The following SLC39A10 variants were observed in gnomAD, a reference collection of about 807,000 sequenced individuals.
The protein encoded by SLC39A10 is zinc transporter ZIP10.
A neutral mutation model predicts 65.1 loss-of-function variants in SLC39A10; 13 were observed. The observed-to-expected ratio is 0.20, with a 90% CI of 0.13 to 0.32. The LOEUF (loss-of-function observed/expected upper bound fraction) is 0.32. Among genes scored for constraint, SLC39A10 ranks in the 10% least tolerant of loss-of-function variants. The pLI is 1.00. For synonymous variants in SLC39A10, 321 were observed against 342.2 expected (o/e 0.94, Z 0.68); for missense variants, 831 against 1,018.4 (o/e 0.82, Z 2.50).
intron 1 of SLC39A10, among the ~76,000 whole-genome samples, chr2:195,664,019 T>A (rs1002239019): frequency 6.6e-6 from 1 of 152,090 alleles, no homozygotes; most frequent in Non-Finnish European, 1.5e-5. Context: ...TGAAAGCACA[T>A]ACAGTGTACA....
chr2:195,651,093 T>TA (rs1350076383), intron 2 of SLC39A10, among the ~76,000 whole-genome samples: 9 of 151,778 alleles, frequency 5.9e-5, no homozygotes, highest in African/African-American at 2.2e-4. Flanking sequence ...TTTTTTTTTT[T>TA]ATTTAGAAAG....
At chr2:195,649,570 C>T (rs1688990605) in intron 2 of SLC39A10, among the ~76,000 whole-genome samples, 1 of 152,124 alleles carries the variant, frequency 6.6e-6, no homozygotes, top group South Asian at 2.1e-4. Context: ...TAATTTCAAC[C>T]AGTTTAACAA....
Position 195,728,925 on chromosome 2 carries a change from A to T in SLC39A10, c.2337+576A>T, listed in dbSNP as rs2105845964. Among the ~76,000 whole-genome samples the T allele has an allele frequency of 2.2e-4, 1 of 4,584 alleles. No homozygotes were observed. Among genetic ancestry groups the T allele is most frequent in the Admixed American group, 4.9e-3 (1 of 206 alleles). The allele number at this position is 4,584 out of a possible 152,430, so 3.0% of individuals were successfully genotyped here. ...GTTTGTTTGACTAGATAGGACATTT[A>T]CTTTTTTTTTTCTGGTAAGATCACA... On this transcript the variant is annotated intron_variant, in intron 9 of 9. Coordinates refer to ENST00000359634, the MANE Select transcript of SLC39A10 (RefSeq NM_020342.3). This position sits in a 1 kb window ranked among gnomAD's most constrained non-coding sequence, Gnocchi z 4.4.
chr2:195,614,620 A>G (rs1688167289), intron 2 of SLC39A10, among the ~76,000 whole-genome samples: 1 of 152,100 alleles, frequency 6.6e-6, no homozygotes, highest in Non-Finnish European at 1.5e-5. Context: ...CCCCCTTAAA[A>G]CACTTTCACT....
Position 195,680,564 on chromosome 2 carries a change from T to C in SLC39A10, c.522T>C (p.His174=). Residue 174 remains histidine, a synonymous_variant, in exon 2 of 10, where the codon CAT becomes CAC. Coordinates refer to ENST00000359634, the MANE Select transcript of SLC39A10 (RefSeq NM_020342.3). ...CTGATGATAAACATATGCATGACCA[T>C]AATCACCGCCTACGTCATCACCATC... ...VKSDDKHMHD[H]NHRLRHHHRL... is the part of the protein sequence containing the mutation. 1 of 1,614,124 alleles carries C rather than the reference T, an allele frequency of 6.2e-7. No individual in the cohort carries two copies. Among genetic ancestry groups the C allele is most frequent in the Non-Finnish European group, 8.5e-7 (1 of 1,180,030 alleles).
At chr2:195,661,854 AAGT>A (rs1689412007) in intron 1 of SLC39A10, among the ~76,000 whole-genome samples, 2 of 152,234 alleles carry the variant, frequency 1.3e-5, no homozygotes, top group African/African-American at 4.8e-5. Flanking sequence ...CACAATCTAA[AAGT>A]AAATATTTTG....
At chr2:195,681,119 G>GGA in intron 2 of SLC39A10, 69 bp downstream of exon 2, 1 of 1,448,540 alleles carries the variant, frequency 6.9e-7, no homozygotes, top group South Asian at 1.3e-5. Flanking sequence ...TTTAAAAACA[G>GGA]GATAAGTAAC....
intron 2 of SLC39A10, among the ~76,000 whole-genome samples, chr2:195,633,444 C>G (rs576139476): frequency 1.3e-5 from 2 of 152,312 alleles, no homozygotes; most frequent in South Asian, 4.1e-4. Context: ...CAGTGAGGCT[C>G]TTTTAGTTTT....
At chr2:195,662,808 C>T (rs988594452) in intron 1 of SLC39A10, among the ~76,000 whole-genome samples, 4 of 152,106 alleles carry the variant, frequency 2.6e-5, no homozygotes, top group African/African-American at 9.7e-5. Context: ...ATTGTTGGAA[C>T]AAAACTTGCT....
intron 1 of SLC39A10, chr2:195,670,622 TG>T (rs1689822451): frequency 6.6e-6 from 1 of 152,338 alleles, no homozygotes. Context: ...TTTTAGAGTG[TG>T]TGTAAAACCT....
At chr2:195,674,625 A>G (rs1690009955) in intron 1 of SLC39A10, 1 of 984,742 alleles carries the variant, frequency 1.0e-6, no homozygotes, top group Non-Finnish European at 1.2e-6. Flanking sequence ...TTATTCCCCC[A>G]TGTTCTGTGA....
At chr2:195,636,000 A>G (rs76324176) in intron 2 of SLC39A10, among the ~76,000 whole-genome samples, 5,647 of 152,232 alleles carry the variant, frequency 0.037, 244 homozygotes, top group African/African-American at 0.097. Context: ...AATGCATACT[A>G]GGCCAAAAGA....
intron 2 of SLC39A10, among the ~76,000 whole-genome samples, chr2:195,640,700 T>G: frequency 6.6e-6 from 1 of 152,220 alleles, no homozygotes; most frequent in East Asian, 1.9e-4. Context: ...GTAATTTTTC[T>G]CACAGTGAAT....
intron 1 of SLC39A10, among the ~76,000 whole-genome samples, chr2:195,659,867 T>G (rs536776185): frequency 4.6e-5 from 7 of 152,264 alleles, no homozygotes; most frequent in Admixed American, 2.6e-4. Flanking sequence ...CTCCACTCCC[T>G]CCTTGACTAC....
intron 2 of SLC39A10, among the ~76,000 whole-genome samples, chr2:195,683,299 A>G (rs77439266): frequency 6.6e-6 from 1 of 152,198 alleles, no homozygotes; most frequent in African/African-American, 2.4e-5. Context: ...GAAAATGTCT[A>G]TATAAGCCAT....
At position 195,737,123 on chromosome 2, in the gene SLC39A10, A is replaced by C. The variant is rs752410259; in HGVS notation, c.*2082A>C. 2 of 152,424 alleles carry C rather than the reference A, an allele frequency of 1.3e-5. No homozygotes were observed. Among genetic ancestry groups the C allele is most frequent in the South Asian group, 2.1e-4 (1 of 4,816 alleles). 9.4% of individuals were successfully genotyped at this position (152,424 alleles called of 1,614,324 possible). Reference sequence around the variant, plus strand: ...CTCAAAAATGGTATTATCTTTCTTTATTTGCTAGATTCTTACAAATCTTTT... The same window carrying C: ...CTCAAAAATGGTATTATCTTTCTTTCTTTGCTAGATTCTTACAAATCTTTT... On this transcript the variant is annotated 3_prime_UTR_variant, in exon 10 of 10. Coordinates refer to ENST00000359634, the MANE Select transcript of SLC39A10 (RefSeq NM_020342.3).
intron 4 of SLC39A10, among the ~76,000 whole-genome samples, chr2:195,707,590 GC>G (rs1244724671): frequency 8.8e-6 from 1 of 114,020 alleles, no homozygotes; most frequent in Non-Finnish European, 2.2e-5. Flanking sequence ...ATATGGCATT[GC>G]TTTTTTTTTT....
chr2:195,681,703 A>T (rs1690332220), intron 2 of SLC39A10, among the ~76,000 whole-genome samples: 2 of 152,122 alleles, frequency 1.3e-5, no homozygotes, highest in South Asian at 2.1e-4. Context: ...CTTATGAATT[A>T]TTTGACCCTC....
chr2:195,643,819 G>A (rs1030931700), intron 2 of SLC39A10, among the ~76,000 whole-genome samples: 1 of 152,184 alleles, frequency 6.6e-6, no homozygotes, highest in African/African-American at 2.4e-5. Context: ...TAAATAAGAG[G>A]TTGTCAGAAC....
Sources: allele counts gnomAD v4.1 joint callset (sites outside exome capture counted in the v4.1 genomes callset), GRCh38; gene constraint gnomAD v4.1.1; non-coding constraint Gnocchi (gnomAD v3.1); transcripts MANE v1.5; gene names NCBI Gene and HGNC (gene_info 2026-07-23, HGNC 2026-07-21).